KRT18: variants seen among roughly 807,000 people sequenced by gnomAD.
KRT18 encodes keratin 18.
A neutral mutation model predicts 39.9 loss-of-function variants in KRT18; 8 were observed. The ratio of observed to expected loss-of-function variants is 0.20; its 90% CI spans 0.12 to 0.36. The LOEUF is 0.36. KRT18 is among the 10% of genes least tolerant of loss of function. The pLI is 1.00. For missense variants in KRT18, 396 were observed against 565.7 expected, an observed-to-expected ratio of 0.70 and a Z score of 3.04; for synonymous variants, 194 against 227.8, an observed-to-expected ratio of 0.85 and a Z score of 1.33.
intron 5 of KRT18, 108 bp from the exon 6 acceptor site, chr12:52,952,011 C>T (rs1379171648): frequency 3.1e-6 from 4 of 1,295,428 alleles, no homozygotes; most frequent in Non-Finnish European, 4.4e-6. Flanking sequence ...TATCCCTTAT[C>T]CCAGTACTTG....
chr12:52,952,563 C>T, intron 6 of KRT18, 159 bp from the exon 7 acceptor site: 3 of 863,868 alleles, frequency 3.5e-6, no homozygotes, highest in Non-Finnish European at 5.9e-6. Flanking sequence ...ACTTAGTATG[C>T]AAATGAAGTT....
chr12:52,948,940 T>A (rs1350352254), upstream of KRT18: 1 of 429,800 alleles, frequency 2.3e-6, no homozygotes, highest in Non-Finnish European at 4.0e-6. Context: ...TTCTGGGGGG[T>A]GAGCGGGGCT....
chr12:52,951,383 T>G, intron 3 of KRT18, 98 bp from the exon 4 acceptor site: 1 of 1,262,162 alleles, frequency 7.9e-7, no homozygotes, highest in Non-Finnish European at 1.2e-6. Flanking sequence ...CTGTCTCTTC[T>G]CCAACTGTAG....
intron 2 of KRT18, 74 bp downstream of exon 2, chr12:52,950,484 T>C (rs1197007166): frequency 9.1e-7 from 1 of 1,099,488 alleles, no homozygotes; most frequent in East Asian, 2.4e-5. Context: ...GCTGGGTCAG[T>C]TAGGGGCTCA....
Position 52,949,596 on chromosome 12 carries a change from G to C in KRT18, c.417+6G>C. ...TCGAGGACCTGAGGGCTCAGGTAAG[G>C]GGTAGGAGGGACCTCAACTCCCAGC... On this transcript the variant is annotated splice_donor_region_variant and intron_variant, in intron 1 of 6. Coordinates refer to ENST00000388835, the MANE Select transcript of KRT18 (RefSeq NM_000224.3). 6.2e-7 allele frequency: 1 copy of C among 1,609,276 alleles called. No homozygotes were observed. The highest frequency in any genetic ancestry group is 8.5e-7 in the Non-Finnish European group (1 of 1,177,138).
intron 6 of KRT18, 133 bp from the exon 7 acceptor site, chr12:52,952,589 C>G: frequency 9.3e-7 from 1 of 1,075,302 alleles, no homozygotes; most frequent in South Asian, 1.3e-5. Context: ...TTGAGTTTCC[C>G]TTTTCTGGAG....
chr12:52,949,438 G>C lies in KRT18; in HGVS notation c.265G>C (p.Asp89His). 1 of 1,613,060 alleles carries C rather than the reference G, an allele frequency of 6.2e-7. No individual in the cohort carries two copies. Among genetic ancestry groups the C allele is most frequent in the East Asian group, 2.2e-5 (1 of 44,888 alleles). Reference sequence around the variant, plus strand: ...GAAGGAGACCATGCAAAGCCTGAACGACCGCCTGGCCTCTTACCTGGACAG... The same window carrying C: ...GAAGGAGACCATGCAAAGCCTGAACCACCGCCTGGCCTCTTACCTGGACAG... Reference protein sequence around the residue: ...NEKETMQSLNDRLASYLDRVR... With the variant: ...NEKETMQSLNHRLASYLDRVR... The change falls in exon 1 of 7, where the codon GAC becomes CAC. Residue 89 changes from aspartate to histidine, a missense_variant. Transcript: ENST00000388835.
intron 6 of KRT18, 178 bp from the exon 7 acceptor site, chr12:52,952,544 C>T (rs1942509852): frequency 2.5e-6 from 2 of 799,750 alleles, no homozygotes; most frequent in South Asian, 1.5e-5. Context: ...AAGTATTGTC[C>T]CTAGCTGTAC....
At position 52,952,036 on chromosome 12, in the gene KRT18, C is replaced by G. The variant is rs138920451; in HGVS notation, c.949-83C>G. On this transcript the variant is annotated intron_variant, in intron 5 of 6. Transcript: ENST00000388835. ...CCCAGTACTTGGCACATAGCAGGTG[C>G]CCAAAAAAGTTTCCAAAAGTGAAGG... 32 of 1,331,166 alleles carry G rather than the reference C, an allele frequency of 2.4e-5. No homozygotes were observed. In the East Asian group the frequency reaches 4.4e-4, roughly 18 times the overall value. 82.5% of individuals were successfully genotyped at this position (1,331,166 alleles called of 1,614,324 possible). A position where few individuals can be genotyped will look rare whatever the true frequency, so the allele number is the denominator to read the frequency against.
At chr12:52,950,222 T>C in intron 1 of KRT18, 106 bp from the exon 2 acceptor site, 2 of 829,718 alleles carry the variant, frequency 2.4e-6, no homozygotes, top group Non-Finnish European at 2.1e-6. Context: ...TGGCTATTCC[T>C]GGGACCAGGA....
In KRT18 at chr12:52,950,780, T is replaced by G; in HGVS notation, c.531T>G (p.Ser177=). ...KYETELAMRQ[S]VENDIHGLRK... ...AGACAGAGCTGGCCATGCGCCAGTC[T>G]GTGGAGAACGACATCCATGGGCTCC... The change falls in exon 3 of 7, where the codon TCT becomes TCG. Residue 177 remains serine, a synonymous_variant. Transcript: ENST00000388835. 6.2e-7 allele frequency: 1 copy of G among 1,611,140 alleles called. No individual in the cohort carries two copies. The highest frequency in any genetic ancestry group is 8.5e-7 in the Non-Finnish European group (1 of 1,179,564).
At chr12:52,952,506 G>A in intron 6 of KRT18, 164 bp downstream of exon 6, 5 of 750,092 alleles carry the variant, frequency 6.7e-6, no homozygotes, top group Non-Finnish European at 1.2e-5. Flanking sequence ...AACAGTTACA[G>A]AGGTCTCCCC....
chr12:52,952,199 G>T lies in KRT18; in HGVS notation c.1029G>T (p.Leu343=). The change falls in exon 6 of 7, where the codon CTG becomes CTT. Residue 343 remains leucine, a synonymous_variant. Coordinates refer to ENST00000388835, the MANE Select transcript of KRT18 (RefSeq NM_000224.3). The stretch of plus-strand genomic sequence containing the variant: ...TGGAGCAGCTCAACGGGATCCTGCT[G>T]CACCTTGAGTCAGAGCTGGCACAGA... ...LQMEQLNGIL[L]HLESELAQTR... 6.3e-7 allele frequency: 1 copy of T among 1,592,606 alleles called. No individual in the cohort carries two copies. Among genetic ancestry groups the T allele is most frequent in the Non-Finnish European group, 8.5e-7 (1 of 1,170,130 alleles).
At chr12:52,949,686 C>T (rs1942440867) in intron 1 of KRT18, 96 bp downstream of exon 1, 2 of 1,114,198 alleles carry the variant, frequency 1.8e-6, no homozygotes, top group African/African-American at 3.1e-5. Flanking sequence ...CACCCAACCC[C>T]TACTCCACCG....
chr12:52,950,162 G>A (rs1942454240), intron 1 of KRT18, 166 bp from the exon 2 acceptor site: 3 of 733,204 alleles, frequency 4.1e-6, no homozygotes, highest in Admixed American at 3.5e-5. Flanking sequence ...AGGAAAGGAG[G>A]GAATGGGGTG....
intron 3 of KRT18, 133 bp downstream of exon 3, chr12:52,951,039 A>G (rs1317002698): frequency 1.2e-6 from 1 of 843,192 alleles, no homozygotes; most frequent in African/African-American, 1.7e-5. Context: ...CTCTTCTTAA[A>G]TAAGACCGTT....
At position 52,952,007 on chromosome 12, in the gene KRT18, T is replaced by G; in HGVS notation, c.949-112T>G. The G allele has an allele frequency of 3.1e-6, 4 of 1,297,156 alleles. No individual in the cohort carries two copies. In the South Asian group the frequency reaches 3.7e-5, roughly 12 times the overall value. The allele number at this position is 1,297,156 out of a possible 1,614,324, so 80.4% of individuals were successfully genotyped here. A position where few individuals can be genotyped will look rare whatever the true frequency, so the allele number is the denominator to read the frequency against. On this transcript the variant is annotated intron_variant, in intron 5 of 6. Transcript: ENST00000388835. ...TTGCATTTCCCTCCACTCCTATCCC[T>G]TATCCCAGTACTTGGCACATAGCAG...
upstream of KRT18, chr12:52,948,903 G>C: frequency 2.3e-6 from 1 of 433,122 alleles, no homozygotes; most frequent in East Asian, 3.6e-5. Flanking sequence ...CCTGCTGTCC[G>C]TGTCCATGCC....
Position 52,951,496 on chromosome 12 carries a change from C to G in KRT18, c.673C>G (p.Gln225Glu). The change falls in exon 4 of 7, where the codon CAA becomes GAA. Residue 225 changes from glutamine (Q) to glutamate (E), a missense_variant. Transcript: ENST00000388835. The stretch of plus-strand genomic sequence containing the variant: ...TCACCTTTAGGAAGTAAAAGGCCTA[C>G]AAGCCCAGATTGCCAGCTCTGGGTT... ...KNHEEEVKGLQAQIASSGLTV... is the reference protein window; with the variant it reads ...KNHEEEVKGLEAQIASSGLTV... The G allele has an allele frequency of 6.2e-7, 1 of 1,614,038 alleles. No homozygotes were observed. The highest frequency in any genetic ancestry group is 1.3e-5 in the African/African-American group (1 of 75,050).
Sources: allele counts gnomAD v4.1 joint callset, GRCh38; gene constraint gnomAD v4.1.1; transcripts MANE v1.5; gene names NCBI Gene and HGNC (gene_info 2026-07-23, HGNC 2026-07-21).